The following SUGCT variants were observed in gnomAD, a reference collection of about 807,000 sequenced individuals.
SUGCT encodes the protein succinyl-CoA:glutarate CoA-transferase.
Under a neutral mutation model 55.0 loss-of-function variants are expected in SUGCT, and 41 were observed. The ratio of observed to expected loss-of-function variants is 0.74; its 90% CI spans 0.58 to 0.97. The LOEUF (loss-of-function observed/expected upper bound fraction) is 0.97. SUGCT is among the 50% of genes least tolerant of loss of function. The probability of loss-of-function intolerance (pLI) is 0.00; values close to 1 mark genes in which losing one functional copy is unlikely to be tolerated. For synonymous variants in SUGCT, 187 were observed against 200.4 expected, an observed-to-expected ratio of 0.93 and a Z score of 0.56; for missense variants, 568 against 547.8, an observed-to-expected ratio of 1.04 and a Z score of -0.37.
chr7:40,915,924 A>T, the SUGCT span, among the ~76,000 whole-genome samples: 1 of 152,164 alleles, frequency 6.6e-6, no homozygotes, highest in Non-Finnish European at 1.5e-5. Flanking sequence ...GTACCTTGTG[A>T]GAACTGCACA....
In SUGCT at chr7:40,657,747, G is replaced by T. The variant is rs147839464; in HGVS notation, c.1090-91687G>T. Among the ~76,000 whole-genome samples, 7 of 152,270 alleles carry T rather than the reference G, an allele frequency of 4.6e-5. No individual in the cohort carries two copies. The South Asian group carries it at 1.5e-3, about 32-fold the overall frequency. On this transcript the variant is annotated intron_variant, in intron 12 of 13. Coordinates refer to ENST00000335693, the MANE Select transcript of SUGCT (RefSeq NM_001193313.2). ...GACGGGGTTTCGCCATGTTGGCCACGCTGATCTTGATCTCCTGACCTCGTG... is the reference window on the plus strand; with the variant it reads ...GACGGGGTTTCGCCATGTTGGCCACTCTGATCTTGATCTCCTGACCTCGTG...
the SUGCT span, among the ~76,000 whole-genome samples, chr7:40,957,132 G>T: frequency 6.6e-6 from 1 of 152,112 alleles, no homozygotes; most frequent in African/African-American, 2.4e-5. Context: ...TGTCTATTAG[G>T]TCCACTTGGT....
chr7:41,014,998 T>C, the SUGCT span, among the ~76,000 whole-genome samples: 1 of 152,200 alleles, frequency 6.6e-6, no homozygotes, highest in Non-Finnish European at 1.5e-5. Flanking sequence ...AATTATGATC[T>C]TTTTAAAACA....
Position 40,459,113 on chromosome 7 carries a change from C to G in SUGCT, c.901C>G (p.Pro301Ala). The change falls in exon 11 of 14, where the codon CCT (proline) becomes GCT (alanine). Residue 301 changes from proline (P) to alanine (A), a missense_variant. Physicochemically the swap from Pro to Ala is conservative, Grantham distance 27 (BLOSUM62 -1). Transcript: ENST00000335693. ...TTTTTTCTTTTAGATCTTGGATTTG[C>G]CTGAGTTGATTGATAATTCCAAGTA... is the stretch of plus-strand genomic sequence containing the variant. ...FATVCKILDL[P>A]ELIDNSKYKT... The G allele has an allele frequency of 1.9e-6, 3 of 1,609,246 alleles. No homozygotes were observed. The East Asian group carries it at 6.7e-5, about 36-fold the overall frequency.
chr7:40,500,917 C>A (rs977538033), intron 12 of SUGCT, among the ~76,000 whole-genome samples: 12 of 151,592 alleles, frequency 7.9e-5, no homozygotes, highest in African/African-American at 2.9e-4. Context: ...ACAAACACAC[C>A]CACACTCACT....
At chr7:40,719,672 T>C (rs1786213835) in intron 12 of SUGCT, among the ~76,000 whole-genome samples, 1 of 152,108 alleles carries the variant, frequency 6.6e-6, no homozygotes, top group Admixed American at 6.5e-5. Context: ...GGGGTGAAGA[T>C]GAGAATCTGT....
chr7:40,724,890 G>A (rs1786534013), intron 12 of SUGCT, among the ~76,000 whole-genome samples: 1 of 152,086 alleles, frequency 6.6e-6, no homozygotes, highest in Non-Finnish European at 1.5e-5. Flanking sequence ...GAAACAAAAA[G>A]TAAATTCCTT....
intron 1 of SUGCT, among the ~76,000 whole-genome samples, chr7:40,179,776 A>G (rs930353107): frequency 6.6e-6 from 1 of 152,180 alleles, no homozygotes; most frequent in Non-Finnish European, 1.5e-5. Flanking sequence ...TCACATGAAG[A>G]TGGAAGTGGT....
At chr7:40,387,773 G>A (rs940607116) in intron 9 of SUGCT, 2 of 152,158 alleles carry the variant, frequency 1.3e-5, no homozygotes, top group Admixed American at 6.5e-5. Flanking sequence ...GGCCCTCAGT[G>A]AGTGCTATGT....
At chr7:40,523,951 A>ACAT (rs1181719936) in intron 12 of SUGCT, among the ~76,000 whole-genome samples, 3 of 152,094 alleles carry the variant, frequency 2.0e-5, no homozygotes, top group Admixed American at 2.0e-4. Flanking sequence ...TATAGATTTT[A>ACAT]GAATCACATG....
the SUGCT span, among the ~76,000 whole-genome samples, chr7:40,874,985 C>T: frequency 1.3e-5 from 2 of 152,246 alleles, no homozygotes; most frequent in South Asian, 2.1e-4. Context: ...CTCTGCCAAA[C>T]GGCACTGCAC....
the SUGCT span, among the ~76,000 whole-genome samples, chr7:40,976,489 A>G: frequency 6.6e-6 from 1 of 152,364 alleles, no homozygotes; most frequent in South Asian, 2.1e-4. Flanking sequence ...GTATCTTATA[A>G]CAGTGCCAAA....
chr7:41,031,048 G>A, the SUGCT span, among the ~76,000 whole-genome samples: 20 of 152,230 alleles, frequency 1.3e-4, no homozygotes, highest in South Asian at 2.9e-3. Flanking sequence ...AGCAACTTCC[G>A]TCTCCCGGGC....
rs145812465 is a variant in SUGCT, at chr7:40,396,753, A to T, written c.817-52534A>T. Among the ~76,000 whole-genome samples, 898 of 152,294 alleles carry T rather than the reference A, an allele frequency of 5.9e-3. 14 individuals carry two copies. The highest frequency in any genetic ancestry group is 0.021 in the African/African-American group (862 of 41,552). The stretch of plus-strand genomic sequence containing the variant: ...GTGGATTCAGGCACCTGTTGAAGAG[A>T]GTATTAAGCATTTACTTATTTTGTT... On this transcript the variant is annotated intron_variant, in intron 9 of 13. Coordinates refer to ENST00000335693, the MANE Select transcript of SUGCT (RefSeq NM_001193313.2).
intron 1 of SUGCT, among the ~76,000 whole-genome samples, chr7:40,150,533 G>C (rs1438171220): frequency 6.6e-6 from 1 of 152,158 alleles, no homozygotes; most frequent in Non-Finnish European, 1.5e-5. Flanking sequence ...ATAGCTGGGC[G>C]AGGTGGTGGG....
the SUGCT span, among the ~76,000 whole-genome samples, chr7:41,023,946 A>G: frequency 6.6e-6 from 1 of 152,228 alleles, no homozygotes; most frequent in Non-Finnish European, 1.5e-5. Context: ...CCTAACAAAT[A>G]CAAAGGTGAA....
At position 40,459,217 on chromosome 7, in the gene SUGCT, T is replaced by C. The variant is rs777014567; in HGVS notation, c.986+19T>C. On this transcript the variant is annotated intron_variant, in intron 11 of 13. Transcript: ENST00000335693. ...CTGAACGGTAAGTTTGGATGTTGTA[T>C]TCATCCATTTAAGAATTAATATGTG... The C allele has an allele frequency of 6.9e-7, 1 of 1,455,742 alleles. No homozygotes were observed. The highest frequency in any genetic ancestry group is 1.2e-5 in the South Asian group (1 of 84,936). 90.2% of individuals were successfully genotyped at this position (1,455,742 alleles called of 1,614,324 possible).
At chr7:40,826,672 T>A (rs528292358) in intron 13 of SUGCT, among the ~76,000 whole-genome samples, 1 of 152,296 alleles carries the variant, frequency 6.6e-6, no homozygotes, top group South Asian at 2.1e-4. Flanking sequence ...ATGTGGAGAA[T>A]GTTGTTAATT....
intron 8 of SUGCT, among the ~76,000 whole-genome samples, chr7:40,303,629 G>A (rs768035317): frequency 3.9e-5 from 6 of 152,098 alleles, no homozygotes; most frequent in East Asian, 1.9e-4. Context: ...GATTACAGGC[G>A]TCAGCCACCG....
Sources: allele counts gnomAD v4.1 joint callset (sites outside exome capture counted in the v4.1 genomes callset), GRCh38; gene constraint gnomAD v4.1.1; transcripts MANE v1.5; gene names NCBI Gene and HGNC (gene_info 2026-07-23, HGNC 2026-07-21).